FAAH2: variants seen among roughly 807,000 people sequenced by gnomAD.
FAAH2 encodes fatty-acid amide hydrolase 2.
In FAAH2, 60 loss-of-function variants were observed where a neutral mutation model predicts 36.9. The observed-to-expected ratio is 1.63, with a 90% CI of 1.32 to 2.02. FAAH2 has a LOEUF of 2.02. Ranked by LOEUF, FAAH2 falls within the 30% of genes most tolerant of loss-of-function variation. The pLI, the probability that FAAH2 is intolerant of heterozygous loss-of-function variation, is 0.00. For missense variants in FAAH2, 689 were observed against 397.5 expected (o/e 1.73, Z -6.23); for synonymous variants, 214 against 143.8 (o/e 1.49, Z -3.49).
intron 7 of FAAH2, among the ~76,000 whole-genome samples, chrX:57,396,686 G>T (rs889517807): frequency 9.0e-6 from 1 of 111,589 alleles, no homozygotes; most frequent in Non-Finnish European, 1.9e-5. Flanking sequence ...TCCCACTGTG[G>T]TCCAATTAGA....
the FAAH2 span, among the ~76,000 whole-genome samples, chrX:57,262,107 G>A: frequency 1.8e-5 from 2 of 110,574 alleles, no homozygotes; most frequent in Non-Finnish European, 3.8e-5. Flanking sequence ...GCTACTAAAT[G>A]CAACTAAAAA....
the FAAH2 span, among the ~76,000 whole-genome samples, chrX:57,255,208 C>A: frequency 9.0e-6 from 1 of 111,711 alleles, no homozygotes; most frequent in Non-Finnish European, 1.9e-5. Context: ...CACATACACC[C>A]TCCCAAGACT....
intron 7 of FAAH2, among the ~76,000 whole-genome samples, chrX:57,401,672 G>T (rs918739535): frequency 9.0e-6 from 1 of 111,215 alleles, no homozygotes; most frequent in African/African-American, 3.3e-5. Context: ...GTCTAAGGGG[G>T]TACTGCCTTT....
At chrX:57,369,128 G>T (rs1276331902) in intron 5 of FAAH2, among the ~76,000 whole-genome samples, 2 of 106,794 alleles carry the variant, frequency 1.9e-5, no homozygotes, top group African/African-American at 3.4e-5. Flanking sequence ...GCAGAAGAAA[G>T]AATTTTTAAA....
At chrX:57,178,446 T>C in the FAAH2 span, among the ~76,000 whole-genome samples, 1 of 111,619 alleles carries the variant, frequency 9.0e-6, no homozygotes, top group African/African-American at 3.3e-5. Context: ...GTGGTATTTG[T>C]TCTTGTTCTA....
the FAAH2 span, among the ~76,000 whole-genome samples, chrX:57,187,477 G>T: frequency 1.8e-5 from 2 of 110,732 alleles, no homozygotes; most frequent in African/African-American, 6.6e-5. Flanking sequence ...TGAGAAGATG[G>T]GGTTCTCTAA....
the FAAH2 span, among the ~76,000 whole-genome samples, chrX:57,145,866 G>C: frequency 1.4e-4 from 16 of 111,599 alleles, no homozygotes; most frequent in Non-Finnish European, 2.5e-4. Flanking sequence ...TCAGTTGGCT[G>C]TAGGCATTTA....
chrX:57,414,317 G>C (rs746172097), intron 7 of FAAH2, among the ~76,000 whole-genome samples: 46 of 111,949 alleles, frequency 4.1e-4, no homozygotes, highest in Middle Eastern at 4.6e-3. Flanking sequence ...TCCAGCTTTT[G>C]CTTTTGCCTC....
At chrX:57,335,085 A>G (rs962221081) in intron 4 of FAAH2, among the ~76,000 whole-genome samples, 2 of 112,242 alleles carry the variant, frequency 1.8e-5, no homozygotes, top group South Asian at 3.7e-4. Flanking sequence ...TCTAAAATTT[A>G]TCACATAATT....
At chrX:57,128,382 C>T in the FAAH2 span, among the ~76,000 whole-genome samples, 3 of 111,209 alleles carry the variant, frequency 2.7e-5, no homozygotes, top group Non-Finnish European at 5.7e-5. Context: ...AACAGAGAAC[C>T]TGAGAAATGA....
the FAAH2 span, among the ~76,000 whole-genome samples, chrX:57,125,442 GT>G: frequency 2.3e-4 from 26 of 111,630 alleles, no homozygotes; most frequent in Non-Finnish European, 4.3e-4. Flanking sequence ...GGGTTGGGGG[GT>G]TACCAAGGTT....
chrX:57,254,660 G>C, the FAAH2 span, among the ~76,000 whole-genome samples: 1 of 111,665 alleles, frequency 9.0e-6, no homozygotes, highest in Admixed American at 9.5e-5. Context: ...TGAAAAATTT[G>C]CTCCTGAATG....
intron 7 of FAAH2, among the ~76,000 whole-genome samples, chrX:57,422,012 G>A (rs2056045543): frequency 9.0e-6 from 1 of 111,440 alleles, no homozygotes; most frequent in Admixed American, 9.5e-5. Flanking sequence ...CCTGAGGTAC[G>A]ATATTGTATT....
chrX:57,165,982 A>G, the FAAH2 span, among the ~76,000 whole-genome samples: 1 of 110,985 alleles, frequency 9.0e-6, no homozygotes, highest in African/African-American at 3.3e-5. Flanking sequence ...AAATGGCTGG[A>G]TGTTGAGAGG....
chrX:57,403,863 G>T (rs1339464557), intron 7 of FAAH2, among the ~76,000 whole-genome samples: 1 of 112,379 alleles, frequency 8.9e-6, no homozygotes, highest in African/African-American at 3.2e-5. Flanking sequence ...AATCTGCTGG[G>T]TTAACGGAAT....
chrX:57,477,522 G>C (rs757909661), intron 10 of FAAH2, among the ~76,000 whole-genome samples: 1 of 110,172 alleles, frequency 9.1e-6, no homozygotes, highest in East Asian at 2.9e-4. Flanking sequence ...TAAGTTCTAG[G>C]GTGCATGTGC....
intron 7 of FAAH2, among the ~76,000 whole-genome samples, chrX:57,428,542 A>G (rs1389717627): frequency 8.9e-6 from 1 of 112,135 alleles, no homozygotes; most frequent in Admixed American, 9.5e-5. Flanking sequence ...ATAAAAATAG[A>G]CACATAGATC....
At position 57,304,716 on chromosome X, in the gene FAAH2, G is replaced by A. The variant is rs1446064220; in HGVS notation, c.276-5877G>A. On this transcript the variant is annotated intron_variant, in intron 2 of 10. Coordinates refer to ENST00000374900, the MANE Select transcript of FAAH2 (RefSeq NM_174912.4). ...TTTATAAAGGGAAAAAGTGGATTTT[G>A]GATAGGCAGCGAACAATGTCTGCAA... 2.7e-5 allele frequency among the ~76,000 whole-genome samples: 3 copies of A among 111,729 alleles called. No homozygotes were observed. In the South Asian group the frequency reaches 1.1e-3, roughly 42 times the overall value.
chrX:57,331,757 G>A lies in FAAH2; in HGVS notation c.572G>A (p.Gly191Asp), dbSNP rs997025995. The change falls in exon 4 of 11, where the codon GGC becomes GAC. Residue 191 changes from glycine (G) to aspartate (D), a missense_variant. By Grantham distance (94) the Gly-to-Asp change is moderately conservative. Transcript: ENST00000374900. ...TATGAATCCAGTAACAAGATCTATGGCCGATCAAACAACCCATATGATTTA... is the reference window on the plus strand; with the variant it reads ...TATGAATCCAGTAACAAGATCTATGACCGATCAAACAACCCATATGATTTA... ...MWYESSNKIY[G>D]RSNNPYDLQH... is the part of the protein sequence containing the mutation. 64 of 1,209,626 alleles carry A rather than the reference G, an allele frequency of 5.3e-5. No homozygotes were observed. The highest frequency in any genetic ancestry group is 6.7e-5 in the Non-Finnish European group (60 of 895,224).
Sources: gnomAD v4.1 joint callset for allele counts (sites outside exome capture counted in the v4.1 genomes callset) on GRCh38, gnomAD v4.1.1 for gene constraint, MANE v1.5 for transcripts, NCBI Gene and HGNC (gene_info 2026-07-23, HGNC 2026-07-21) for gene names.